Variants in CFAP300 observed in about 807,000 individuals in gnomAD.
CFAP300 encodes cilia- and flagella-associated protein 300.
In CFAP300, 32 loss-of-function variants were observed where a neutral mutation model predicts 33.0. That is an observed-to-expected ratio of 0.97 (90% CI 0.73 to 1.30). CFAP300 has a LOEUF of 1.30. Among genes scored for constraint, CFAP300 ranks in the 50% most tolerant of loss-of-function variants. The pLI is 0.00. For missense variants in CFAP300, 356 were observed against 318.1 expected (o/e 1.12, Z -0.90); for synonymous variants, 102 against 106.8 (o/e 0.95, Z 0.28).
chr11:102,061,103 A>G (rs1942144410), intron 3 of CFAP300, among the ~76,000 whole-genome samples: 1 of 152,166 alleles, frequency 6.6e-6, no homozygotes, highest in Non-Finnish European at 1.5e-5. Flanking sequence ...ACTTTATACT[A>G]ATTTTTGAAA....
intron 2 of CFAP300, among the ~76,000 whole-genome samples, chr11:102,050,373 C>T (rs912372214): frequency 6.6e-5 from 10 of 152,154 alleles, no homozygotes; most frequent in Admixed American, 6.6e-4. Context: ...AGAAACCATG[C>T]TGTTTCTACA....
At chr11:102,081,308 A>G in intron 6 of CFAP300, 27 bp downstream of exon 6, 6 of 1,573,588 alleles carry the variant, frequency 3.8e-6, no homozygotes, top group Non-Finnish European at 5.2e-6. Context: ...TTTTGCAACC[A>G]AAGAATTTAA....
At chr11:102,070,103 G>A (rs1942289708) in intron 4 of CFAP300, among the ~76,000 whole-genome samples, 2 of 152,144 alleles carry the variant, frequency 1.3e-5, no homozygotes, top group African/African-American at 2.4e-5. Flanking sequence ...TTGCAAACAT[G>A]GGCCTCAATA....
At chr11:102,053,551 A>AAAACAAAC (rs140040339) in intron 2 of CFAP300, among the ~76,000 whole-genome samples, 5 of 149,888 alleles carry the variant, frequency 3.3e-5, no homozygotes, top group African/African-American at 1.2e-4. Context: ...AACTCCATCA[A>AAAACAAAC]AAACAAACAA....
At chr11:102,055,262 A>G (rs572512872) in intron 2 of CFAP300, among the ~76,000 whole-genome samples, 290 of 151,834 alleles carry the variant, frequency 1.9e-3, no homozygotes, top group Non-Finnish European at 3.3e-3. Flanking sequence ...TACAGGTGTG[A>G]GTCACCGCAC....
At chr11:102,072,482 G>A (rs1942327243) in intron 4 of CFAP300, among the ~76,000 whole-genome samples, 1 of 150,716 alleles carries the variant, frequency 6.6e-6, no homozygotes, top group South Asian at 2.1e-4. Flanking sequence ...TTTTTTTTAG[G>A]ACTAGAGACA....
chr11:102,053,592 T>G (rs1259274952), intron 2 of CFAP300, among the ~76,000 whole-genome samples: 1 of 151,022 alleles, frequency 6.6e-6, no homozygotes, highest in Non-Finnish European at 1.5e-5. Context: ...ACAAAAACCT[T>G]CAGTGTGGCT....
intron 2 of CFAP300, among the ~76,000 whole-genome samples, chr11:102,048,395 A>T (rs1035149872): frequency 9.6e-5 from 12 of 125,250 alleles, no homozygotes; most frequent in African/African-American, 3.1e-4. Flanking sequence ...ATTAAAAAAA[A>T]TTTTTTTAGA....
chr11:102,056,888 G>A (rs138359272), intron 2 of CFAP300, among the ~76,000 whole-genome samples: 3 of 151,838 alleles, frequency 2.0e-5, no homozygotes, highest in African/African-American at 7.3e-5. Flanking sequence ...GCCTCCCAAA[G>A]TCCTGGGATT....
intron 1 of CFAP300, 73 bp downstream of exon 1, chr11:102,047,653 A>C: frequency 3.4e-6 from 5 of 1,484,666 alleles, no homozygotes; most frequent in Non-Finnish European, 4.5e-6. Flanking sequence ...CCGGGCGTCG[A>C]GGGGCCCGCG....
In CFAP300 at chr11:102,084,331, C is replaced by T. The variant is rs1942516822; in HGVS notation, c.*1132C>T. ...AGGAGCAAGTTTGAAAGATGTGTTT[C>T]TGTGTTGTGGGATAAAGACGATAAT... On this transcript the variant is annotated 3_prime_UTR_variant, in exon 7 of 7. Coordinates refer to ENST00000434758, the MANE Select transcript of CFAP300 (RefSeq NM_032930.3). 1 of 152,172 alleles carries T rather than the reference C, an allele frequency of 6.6e-6. No homozygotes were observed. The highest frequency in any genetic ancestry group is 2.4e-5 in the African/African-American group (1 of 41,432). The allele number at this position is 152,172 out of a possible 1,614,324, so 9.4% of individuals were successfully genotyped here.
intron 2 of CFAP300, among the ~76,000 whole-genome samples, chr11:102,058,563 G>A (rs1272828671): frequency 2.0e-5 from 3 of 147,964 alleles, no homozygotes; most frequent in Non-Finnish European, 4.5e-5. Flanking sequence ...CAGTTGTTAC[G>A]AAGGCAATTC....
chr11:102,055,065 C>T (rs1942030084), intron 2 of CFAP300, among the ~76,000 whole-genome samples: 1 of 151,446 alleles, frequency 6.6e-6, no homozygotes, highest in Non-Finnish European at 1.5e-5. Context: ...ACTGCAACCT[C>T]TGCCTCCGGG....
intron 2 of CFAP300, among the ~76,000 whole-genome samples, chr11:102,056,414 C>T (rs757464415): frequency 6.6e-6 from 1 of 152,216 alleles, no homozygotes; most frequent in East Asian, 1.9e-4. Context: ...AAGATTCACA[C>T]TTCTGCCAGC....
chr11:102,073,267 T>G (rs1942339887), intron 4 of CFAP300, among the ~76,000 whole-genome samples: 1 of 152,150 alleles, frequency 6.6e-6, no homozygotes, highest in Non-Finnish European at 1.5e-5. Flanking sequence ...TAGTGGTGGC[T>G]GTGATGTGCT....
intron 2 of CFAP300, among the ~76,000 whole-genome samples, chr11:102,057,664 A>G (rs990945180): frequency 4.6e-5 from 7 of 152,252 alleles, no homozygotes; most frequent in African/African-American, 1.7e-4. Flanking sequence ...CCTTGCATCC[A>G]GATAGTAAGC....
intron 2 of CFAP300, 152 bp downstream of exon 2, chr11:102,048,048 G>C: frequency 1.4e-6 from 1 of 696,826 alleles, no homozygotes; most frequent in Non-Finnish European, 2.3e-6. Context: ...TTTTTTTAAA[G>C]GAACTTTTAC....
chr11:102,063,794 G>A (rs1281121880), intron 3 of CFAP300, among the ~76,000 whole-genome samples: 2 of 152,158 alleles, frequency 1.3e-5, no homozygotes, highest in Admixed American at 1.3e-4. Context: ...ACTGCAGCCT[G>A]GGTGACAGAG....
At chr11:102,073,321 G>A (rs576610915) in intron 4 of CFAP300, among the ~76,000 whole-genome samples, 12 of 152,306 alleles carry the variant, frequency 7.9e-5, no homozygotes, top group African/African-American at 2.2e-4. Context: ...GTATGGGTGG[G>A]TTCCAGCTGC....
Sources: allele counts gnomAD v4.1 joint callset (sites outside exome capture counted in the v4.1 genomes callset), GRCh38; gene constraint gnomAD v4.1.1; transcripts MANE v1.5; gene names NCBI Gene and HGNC (gene_info 2026-07-23, HGNC 2026-07-21).